RPS6KA5: variants seen among roughly 807,000 people sequenced by gnomAD.
RPS6KA5 encodes the protein ribosomal protein S6 kinase A5, also known as ribosomal protein S6 kinase alpha-5.
RPS6KA5 carries 27 observed loss-of-function variants against 85.5 expected under a neutral mutation model. The ratio of observed to expected loss-of-function variants is 0.32; its 90% CI spans 0.23 to 0.44. The LOEUF is 0.44. Ranked by LOEUF, RPS6KA5 falls within the 20% of genes least tolerant of loss-of-function variation. The pLI, the probability that RPS6KA5 is intolerant of heterozygous loss-of-function variation, is 1.00. For missense variants in RPS6KA5, 811 were observed against 980.9 expected (o/e 0.83, Z 2.31); for synonymous variants, 334 against 348.2 (o/e 0.96, Z 0.46).
chr14:90,911,087 C>A (rs114657238), intron 7 of RPS6KA5, among the ~76,000 whole-genome samples: 64 of 152,272 alleles, frequency 4.2e-4, no homozygotes, highest in African/African-American at 1.4e-3. Context: ...TACTCCTTAT[C>A]CCTTGACTCT....
chr14:90,930,573 G>A (rs770622180), intron 5 of RPS6KA5, among the ~76,000 whole-genome samples: 1 of 151,904 alleles, frequency 6.6e-6, no homozygotes, highest in Non-Finnish European at 1.5e-5. Flanking sequence ...TCTGAATATC[G>A]AAGGAAAGAA....
At chr14:91,041,019 G>A (rs1053762588) in intron 1 of RPS6KA5, among the ~76,000 whole-genome samples, 2 of 152,184 alleles carry the variant, frequency 1.3e-5, no homozygotes, top group South Asian at 2.1e-4. Flanking sequence ...ACTAGTGGAA[G>A]GAGGGATAAT....
chr14:91,037,279 G>T (rs2042443452), intron 1 of RPS6KA5, among the ~76,000 whole-genome samples: 1 of 152,138 alleles, frequency 6.6e-6, no homozygotes, highest in Non-Finnish European at 1.5e-5. Flanking sequence ...ATCCTAGTTG[G>T]CTGTCATCTT....
chr14:90,922,568 C>T (rs1393008609), intron 6 of RPS6KA5, among the ~76,000 whole-genome samples: 1 of 152,230 alleles, frequency 6.6e-6, no homozygotes, highest in East Asian at 1.9e-4. Flanking sequence ...CTTCCTCAGC[C>T]TTCCGAGTAG....
chr14:91,031,052 T>A (rs2139838798), intron 1 of RPS6KA5, among the ~76,000 whole-genome samples: 1 of 152,188 alleles, frequency 6.6e-6, no homozygotes, highest in African/African-American at 2.4e-5. Context: ...AGCAAATAAA[T>A]TTTAAAATAT....
Position 91,060,578 on chromosome 14 carries a change from C to T in RPS6KA5, c.-144G>A. ...CTCGGACGCAAAGACGAGTCTCTTT[C>T]CCGCTCTGGCCGCACGGCTCGCTCC... On this transcript the variant is annotated 5_prime_UTR_variant, in exon 1 of 17. Transcript: ENST00000614987. The T allele has an allele frequency of 1.8e-6, 2 of 1,092,204 alleles. No homozygotes were observed. Among genetic ancestry groups the T allele is most frequent in the Non-Finnish European group, 1.2e-6 (1 of 857,928 alleles). 67.7% of individuals were successfully genotyped at this position (1,092,204 alleles called of 1,614,324 possible). A position where few individuals can be genotyped will look rare whatever the true frequency, so the allele number is the denominator to read the frequency against.
In RPS6KA5 at chr14:90,926,448, G is replaced by A. The variant is rs1044551244; in HGVS notation, c.619-3252C>T. Among the ~76,000 whole-genome samples the A allele has an allele frequency of 2.7e-5, 4 of 150,816 alleles. No homozygotes were observed. In the East Asian group the frequency reaches 7.8e-4, roughly 29 times the overall value. ...AATTTACTAAAGACTTAGTAAATTT[G>A]AGAAAATTATCCAGAATATTGCAAA... On this transcript the variant is annotated intron_variant, in intron 5 of 16. Coordinates refer to ENST00000614987, the MANE Select transcript of RPS6KA5 (RefSeq NM_004755.4).
intron 1 of RPS6KA5, among the ~76,000 whole-genome samples, chr14:91,012,774 A>C (rs910647915): frequency 6.6e-6 from 1 of 152,244 alleles, no homozygotes; most frequent in Non-Finnish European, 1.5e-5. Context: ...GACTTCAGTG[A>C]AGATTTCTGA....
chr14:90,885,734 T>A (rs1404343953), intron 14 of RPS6KA5, among the ~76,000 whole-genome samples: 1 of 64,824 alleles, frequency 1.5e-5, no homozygotes, highest in Non-Finnish European at 2.5e-5. Flanking sequence ...AGAGCAAGAC[T>A]CCATCTCAAA....
intron 2 of RPS6KA5, among the ~76,000 whole-genome samples, chr14:90,999,383 G>A (rs1472742490): frequency 2.0e-5 from 3 of 152,128 alleles, no homozygotes; most frequent in Non-Finnish European, 2.9e-5. Context: ...CCTGTCAGGC[G>A]CTAGAACACT....
At chr14:90,894,151 A>G in intron 13 of RPS6KA5, 1 of 1,097,300 alleles carries the variant, frequency 9.1e-7, no homozygotes, top group Non-Finnish European at 1.1e-6. Flanking sequence ...ACTGTTGCAT[A>G]AAGTATTTTT....
At chr14:90,927,263 GA>G (rs1259349622) in intron 5 of RPS6KA5, among the ~76,000 whole-genome samples, 1 of 152,004 alleles carries the variant, frequency 6.6e-6, no homozygotes, top group Non-Finnish European at 1.5e-5. Flanking sequence ...AGGCGGACAT[GA>G]AATCAAAAGA....
intron 5 of RPS6KA5, among the ~76,000 whole-genome samples, chr14:90,931,319 G>T (rs1378942545): frequency 6.6e-6 from 1 of 152,122 alleles, no homozygotes; most frequent in Non-Finnish European, 1.5e-5. Flanking sequence ...ACTGACATGG[G>T]ATATCATAAG....
At chr14:90,903,008 G>C in intron 8 of RPS6KA5, 39 bp from the exon 9 acceptor site, 2 of 1,546,022 alleles carry the variant, frequency 1.3e-6, no homozygotes, top group Non-Finnish European at 1.8e-6. Flanking sequence ...GAAATCAATA[G>C]TCAAAATGTA....
At chr14:90,984,800 T>C (rs1182461269) in intron 2 of RPS6KA5, among the ~76,000 whole-genome samples, 1 of 152,214 alleles carries the variant, frequency 6.6e-6, no homozygotes, top group African/African-American at 2.4e-5. Flanking sequence ...CAAGAAGACA[T>C]CCATGCTGCC....
rs58737573 is a variant in RPS6KA5, at chr14:91,030,611, G to GAAAAAAAAA, written c.104-29461_104-29453dup. Reference sequence around the variant, plus strand: ...AACATGCAAGACACCAAAATAAACAGAAAAAAAAAAAAAAAAAAAAAAAAA... The same window carrying GAAAAAAAAA: ...AACATGCAAGACACCAAAATAAACAGAAAAAAAAAAAAAAAAAAAAAAAAAAAAAAAAAA... On this transcript the variant is annotated intron_variant, in intron 1 of 16. Transcript: ENST00000614987. Among the ~76,000 whole-genome samples, 26 of 22,076 alleles carry GAAAAAAAAA rather than the reference G, an allele frequency of 1.2e-3. 2 individuals carry two copies. Among genetic ancestry groups the GAAAAAAAAA allele is most frequent in the Non-Finnish European group, 1.5e-3 (17 of 11,036 alleles). The allele number at this position is 22,076 out of a possible 152,430, so 14.5% of individuals were successfully genotyped here.
intron 6 of RPS6KA5, among the ~76,000 whole-genome samples, chr14:90,920,870 T>C (rs1395474726): frequency 2.6e-5 from 4 of 151,944 alleles, no homozygotes; most frequent in East Asian, 1.9e-4. Context: ...ACTGAGAACA[T>C]AGAAAATTAT....
At chr14:90,892,022 A>G (rs2034592130) in intron 13 of RPS6KA5, among the ~76,000 whole-genome samples, 1 of 147,196 alleles carries the variant, frequency 6.8e-6, no homozygotes, top group Non-Finnish European at 1.5e-5. Context: ...TTTGAGAGAG[A>G]CAGTCTTGCT....
intron 3 of RPS6KA5, among the ~76,000 whole-genome samples, chr14:90,973,080 C>A (rs2039395833): frequency 6.6e-6 from 1 of 152,222 alleles, no homozygotes; most frequent in Non-Finnish European, 1.5e-5. Flanking sequence ...AACAGGCACT[C>A]TCAAACAATG....
Sources: allele counts gnomAD v4.1 joint callset (sites outside exome capture counted in the v4.1 genomes callset), GRCh38; gene constraint gnomAD v4.1.1; transcripts MANE v1.5; gene names NCBI Gene and HGNC (gene_info 2026-07-23, HGNC 2026-07-21).